POU2F2: variants seen among roughly 807,000 people sequenced by gnomAD.
POU2F2 encodes POU class 2 homeobox 2.
Under a neutral mutation model 63.5 loss-of-function variants are expected in POU2F2, and 14 were observed. The observed-to-expected ratio is 0.22, with a 90% CI of 0.15 to 0.34. POU2F2 has a LOEUF of 0.34. Ranked by LOEUF, POU2F2 falls within the 10% of genes least tolerant of loss-of-function variation. The probability of loss-of-function intolerance (pLI) is 1.00; values close to 1 mark genes in which losing one functional copy is unlikely to be tolerated. For synonymous variants in POU2F2, 306 were observed against 348.6 expected, an observed-to-expected ratio of 0.88 and a Z score of 1.36; for missense variants, 607 against 815.2, an observed-to-expected ratio of 0.74 and a Z score of 3.11.
chr19:42,146,729 G>A (rs930881587), intron 2 of POU2F2, among the ~76,000 whole-genome samples: 1 of 152,124 alleles, frequency 6.6e-6, no homozygotes. Flanking sequence ...GGCACTTTAG[G>A]GTTCACATGG....
chr19:42,095,981 ACT>A lies in POU2F2; in HGVS notation c.730-54_730-53del. On this transcript the variant is annotated intron_variant, in intron 8 of 14. Transcript: ENST00000692977. The surrounding 1 kb of genome is among the most constrained non-coding windows in gnomAD (Gnocchi z 7.1). ...CGAAGTCAGGGTGGGGCCTTCCGGC[ACT>A]GGGCCCGCTCCGCCCGCCCACTGGC... is the stretch of plus-strand genomic sequence containing the variant. 1 of 1,603,988 alleles carries A rather than the reference ACT, an allele frequency of 6.2e-7. No homozygotes were observed. Among genetic ancestry groups the A allele is most frequent in the South Asian group, 1.1e-5 (1 of 89,866 alleles).
chr19:42,165,271 G>A (rs2146792638), intron 1 of POU2F2, among the ~76,000 whole-genome samples: 1 of 152,328 alleles, frequency 6.6e-6, no homozygotes, highest in East Asian at 1.9e-4. Context: ...GAATGGAGAA[G>A]AGCTCACTCC....
intron 1 of POU2F2, among the ~76,000 whole-genome samples, chr19:42,126,153 T>C (rs1346656558): frequency 6.6e-6 from 1 of 151,966 alleles, no homozygotes; most frequent in Non-Finnish European, 1.5e-5. Context: ...GGCATCCTTA[T>C]AAGAAGAGGG....
At position 42,095,942 on chromosome 19, in the gene POU2F2, G is replaced by A. The variant is rs768126342; in HGVS notation, c.730-13C>T. On this transcript the variant is annotated splice_polypyrimidine_tract_variant and intron_variant, in intron 8 of 14. Transcript: ENST00000692977. This position sits in a 1 kb window ranked among gnomAD's most constrained non-coding sequence, Gnocchi z 7.1. ...GGCCCACATCACCCTGGGCCAGTGG[G>A]GCGGGGAAGGGCCCGAAGTCAGGGT... The A allele has an allele frequency of 1.8e-5, 29 of 1,611,092 alleles. No individual in the cohort carries two copies. The Admixed American group carries it at 3.3e-4, about 19-fold the overall frequency.
chr19:42,116,008 G>A (rs1045290806), intron 5 of POU2F2, among the ~76,000 whole-genome samples: 9 of 152,192 alleles, frequency 5.9e-5, no homozygotes, highest in African/African-American at 9.7e-5. Flanking sequence ...CAGCACCATC[G>A]GAAGCCAGAA....
chr19:42,185,866 G>A (rs1267312272), intron 1 of POU2F2, among the ~76,000 whole-genome samples: 1 of 152,130 alleles, frequency 6.6e-6, no homozygotes, highest in Non-Finnish European at 1.5e-5. Context: ...AGTGTGCTAG[G>A]ACACAAAACT....
chr19:42,181,402 T>A (rs1304764610), intron 1 of POU2F2, among the ~76,000 whole-genome samples: 4 of 152,196 alleles, frequency 2.6e-5, no homozygotes, highest in African/African-American at 9.7e-5. Flanking sequence ...GGTACAGGTG[T>A]GCATGTACAT....
intron 1 of POU2F2, among the ~76,000 whole-genome samples, chr19:42,163,666 A>G (rs532975344): frequency 5.0e-4 from 76 of 152,250 alleles, no homozygotes; most frequent in African/African-American, 1.8e-3. Flanking sequence ...CTGGCACCCA[A>G]GTGGTCCCCG....
In POU2F2 at chr19:42,117,039, A is replaced by G; in HGVS notation, c.369+211T>C. On this transcript the variant is annotated intron_variant, in intron 5 of 14. Transcript: ENST00000692977. The surrounding 1 kb of genome is among the most constrained non-coding windows in gnomAD (Gnocchi z 4.4). ...TGTCGGGGACAGCAGGAATTGGAGC[A>G]AGGGGTTGAAGAGGAGCAGAGAAGG... is the stretch of plus-strand genomic sequence containing the variant. The G allele has an allele frequency of 1.5e-6, 1 of 657,970 alleles. No homozygotes were observed. The allele number at this position is 657,970 out of a possible 1,614,324, so 40.8% of individuals were successfully genotyped here. A position where few individuals can be genotyped will look rare whatever the true frequency, so the allele number is the denominator to read the frequency against.
chr19:42,141,580 C>T (rs1341440781), intron 2 of POU2F2, among the ~76,000 whole-genome samples: 1 of 141,186 alleles, frequency 7.1e-6, no homozygotes, highest in Non-Finnish European at 1.5e-5. Context: ...CTCCTGTGTT[C>T]AAGCGATTCT....
chr19:42,112,685 A>T (rs921916108), intron 5 of POU2F2, among the ~76,000 whole-genome samples: 1 of 152,034 alleles, frequency 6.6e-6, no homozygotes, highest in Non-Finnish European at 1.5e-5. Context: ...GACGTATTTT[A>T]TCTCCCTGGG....
chr19:42,130,019 G>A (rs1477490125), intron 1 of POU2F2, among the ~76,000 whole-genome samples: 1 of 152,082 alleles, frequency 6.6e-6, no homozygotes, highest in African/African-American at 2.4e-5. Flanking sequence ...ATGATGCCAC[G>A]GGCATATATG....
upstream of POU2F2, among the ~76,000 whole-genome samples, chr19:42,134,976 C>G (rs146478319): frequency 0.022 from 3,345 of 152,094 alleles, 55 homozygotes; most frequent in Non-Finnish European, 0.036. Context: ...GACAGCAGAG[C>G]GAGATTCTTC....
upstream of POU2F2, chr19:42,132,859 T>C (rs949539264): frequency 1.2e-5 from 2 of 168,586 alleles, no homozygotes; most frequent in Non-Finnish European, 2.5e-5. Context: ...TCTTGACAGG[T>C]GCCATCTCCA....
At chr19:42,128,497 T>G (rs1487192275) in intron 1 of POU2F2, among the ~76,000 whole-genome samples, 1 of 152,210 alleles carries the variant, frequency 6.6e-6, no homozygotes, top group East Asian at 1.9e-4. Context: ...GGCCAACTGC[T>G]GCCCTTTGTC....
At chr19:42,173,048 TG>T (rs1262954819) in intron 1 of POU2F2, among the ~76,000 whole-genome samples, 1 of 152,180 alleles carries the variant, frequency 6.6e-6, no homozygotes, top group Non-Finnish European at 1.5e-5. Flanking sequence ...GGGACACCAC[TG>T]GGGCTGCTGT....
At chr19:42,143,696 C>T (rs930220884) in intron 2 of POU2F2, among the ~76,000 whole-genome samples, 3 of 152,206 alleles carry the variant, frequency 2.0e-5, no homozygotes, top group African/African-American at 7.2e-5. Context: ...TCCAAGCTGT[C>T]TGCCTTTCTG....
chr19:42,133,036 G>A (rs1298000157), upstream of POU2F2: 1 of 152,352 alleles, frequency 6.6e-6, no homozygotes, highest in African/African-American at 2.4e-5. This position sits in a 1 kb window ranked among gnomAD's most constrained non-coding sequence, Gnocchi z 5.1. Flanking sequence ...CAGGTGAGCT[G>A]TTGGGTGCCA....
At chr19:42,173,622 C>T (rs776866153) in intron 1 of POU2F2, among the ~76,000 whole-genome samples, 10 of 151,726 alleles carry the variant, frequency 6.6e-5, no homozygotes, top group Non-Finnish European at 1.3e-4. Flanking sequence ...ACAACCTCTA[C>T]ACACACAGCA....
Sources: gnomAD v4.1 joint callset for allele counts (sites outside exome capture counted in the v4.1 genomes callset) on GRCh38, gnomAD v4.1.1 for gene constraint, Gnocchi (gnomAD v3.1) non-coding constraint, MANE v1.5 for transcripts, NCBI Gene and HGNC (gene_info 2026-07-23, HGNC 2026-07-21) for gene names.